Variants in SLC1A1 observed in about 807,000 individuals in gnomAD.
SLC1A1 encodes the protein solute carrier family 1 member 1, also known as excitatory amino acid transporter 3.
SLC1A1 carries 43 observed loss-of-function variants against 53.3 expected under a neutral mutation model. That is an observed-to-expected ratio of 0.81 (90% CI 0.63 to 1.04). SLC1A1 has a LOEUF of 1.04. Ranked by LOEUF, SLC1A1 falls within the 50% of genes least tolerant of loss-of-function variation. The pLI, the probability that SLC1A1 is intolerant of heterozygous loss-of-function variation, is 0.00. For missense variants in SLC1A1, 748 were observed against 664.9 expected, an observed-to-expected ratio of 1.12 and a Z score of -1.37; for synonymous variants, 307 against 243.2, an observed-to-expected ratio of 1.26 and a Z score of -2.44.
At chr9:4,542,380 G>C (rs934056502) in intron 1 of SLC1A1, among the ~76,000 whole-genome samples, 18 of 152,224 alleles carry the variant, frequency 1.2e-4, no homozygotes, top group African/African-American at 4.3e-4. Flanking sequence ...TCCTGTATCT[G>C]GCTAAAGGCT....
intron 10 of SLC1A1, among the ~76,000 whole-genome samples, chr9:4,578,947 CTT>C (rs1398033336): frequency 2.0e-5 from 3 of 152,182 alleles, no homozygotes; most frequent in Non-Finnish European, 4.4e-5. Flanking sequence ...TGAATCTGAA[CTT>C]TTTAGAGTTA....
chr9:4,514,928 A>G (rs2130819839), intron 1 of SLC1A1, among the ~76,000 whole-genome samples: 1 of 152,068 alleles, frequency 6.6e-6, no homozygotes, highest in South Asian at 2.1e-4. Context: ...TTTACATTAC[A>G]GTGTAAAGGC....
rs538707752 is a variant in SLC1A1 at position 4,572,091 on chromosome 9, G to T, written c.583-113G>T. 3.3e-6 allele frequency: 3 copies of T among 899,430 alleles called. No individual in the cohort carries two copies. In the South Asian group the frequency reaches 4.0e-5, roughly 12 times the overall value. The allele number at this position is 899,430 out of a possible 1,614,324, so 55.7% of individuals were successfully genotyped here. ...TTCTATAGTTTTGTTGACTCTGCCT[G>T]GGAGATCACCAGTTTATTATGTTTG... On this transcript the variant is annotated intron_variant, in intron 6 of 11. Coordinates refer to ENST00000262352, the MANE Select transcript of SLC1A1 (RefSeq NM_004170.6).
chr9:4,566,526 C>G (rs1180966153), intron 5 of SLC1A1, among the ~76,000 whole-genome samples: 2 of 152,088 alleles, frequency 1.3e-5, no homozygotes, highest in African/African-American at 4.8e-5. Flanking sequence ...ATGGTGTGGT[C>G]CACATCTGGG....
intron 10 of SLC1A1, among the ~76,000 whole-genome samples, chr9:4,579,218 A>G (rs144518481): frequency 4.5e-4 from 69 of 152,362 alleles, no homozygotes; most frequent in African/African-American, 1.5e-3. Flanking sequence ...TCCTGTAATT[A>G]TAACAGCAGA....
chr9:4,491,799 G>C (rs915049906), intron 1 of SLC1A1, among the ~76,000 whole-genome samples: 3 of 152,230 alleles, frequency 2.0e-5, no homozygotes, highest in Admixed American at 2.0e-4. Flanking sequence ...AACTGCAGCT[G>C]TGTTTGCTGA....
At chr9:4,502,316 G>T (rs1363031852) in intron 1 of SLC1A1, among the ~76,000 whole-genome samples, 2 of 141,458 alleles carry the variant, frequency 1.4e-5, no homozygotes, top group Non-Finnish European at 3.0e-5. Context: ...GAGCCCGGGA[G>T]GTTGAGTCTG....
rs1161442427 is a variant in SLC1A1, at chr9:4,521,156, G to C, written c.92-23411G>C. On this transcript the variant is annotated intron_variant, in intron 1 of 11. Coordinates refer to ENST00000262352, the MANE Select transcript of SLC1A1 (RefSeq NM_004170.6). ...TTGTTGAGTTGTAAGAATTCTTTATGTATTCTAGACCCTTACCAGATACAT... is the reference window on the plus strand; with the variant it reads ...TTGTTGAGTTGTAAGAATTCTTTATCTATTCTAGACCCTTACCAGATACAT... 2.6e-5 allele frequency among the ~76,000 whole-genome samples: 4 copies of C among 152,212 alleles called. No homozygotes were observed. The South Asian group carries it at 8.3e-4, about 32-fold the overall frequency.
chr9:4,583,036 A>C lies in SLC1A1; in HGVS notation c.1194-2A>C. ...TCCTTTCCTGCTGGTATGTTTCTGC[A>C]GTATCACGGCCACATCTGCCAGCAT... On this transcript the variant is annotated splice_acceptor_variant, in intron 10 of 11. Transcript: ENST00000262352. LOFTEE classifies it high-confidence loss of function. This position sits in a 1 kb window ranked among gnomAD's most constrained non-coding sequence, Gnocchi z 4.6. The C allele has an allele frequency of 6.2e-7, 1 of 1,614,242 alleles. No homozygotes were observed. Among genetic ancestry groups the C allele is most frequent in the Non-Finnish European group, 8.5e-7 (1 of 1,180,032 alleles).
chr9:4,562,114 C>A (rs528427946), intron 3 of SLC1A1, among the ~76,000 whole-genome samples: 2 of 145,934 alleles, frequency 1.4e-5, no homozygotes, highest in East Asian at 4.2e-4. Context: ...TCTTGTCACC[C>A]AGGCTAGAGT....
At position 4,556,708 on chromosome 9, in the gene SLC1A1, G is replaced by A. The variant is rs908235329; in HGVS notation, c.233-4741G>A. Reference sequence around the variant, plus strand: ...CATTCTCACAGTCAACATTCATTGCGCTAGACCACAAGTTCTCACCAAGAC... The same window carrying A: ...CATTCTCACAGTCAACATTCATTGCACTAGACCACAAGTTCTCACCAAGAC... On this transcript the variant is annotated intron_variant, in intron 2 of 11. Transcript: ENST00000262352. This position sits in a 1 kb window ranked among gnomAD's most constrained non-coding sequence, Gnocchi z 4.1. 9.2e-5 allele frequency among the ~76,000 whole-genome samples: 14 copies of A among 152,144 alleles called. No individual in the cohort carries two copies. Among genetic ancestry groups the A allele is most frequent in the Non-Finnish European group, 1.8e-4 (12 of 68,036 alleles).
chr9:4,506,766 G>C (rs1012091176), intron 1 of SLC1A1, among the ~76,000 whole-genome samples: 2 of 152,156 alleles, frequency 1.3e-5, no homozygotes, highest in Non-Finnish European at 2.9e-5. Flanking sequence ...TCAGGGCCCT[G>C]TGTACTAGGG....
chr9:4,522,185 G>A (rs1261718122), intron 1 of SLC1A1, among the ~76,000 whole-genome samples: 1 of 151,442 alleles, frequency 6.6e-6, no homozygotes, highest in East Asian at 1.9e-4. Context: ...CCGAGTAGCT[G>A]GGACTACAGG....
At position 4,568,076 on chromosome 9, in the gene SLC1A1, G is replaced by C. The variant is rs766632233; in HGVS notation, c.582+309G>C. 3.2e-4 allele frequency among the ~76,000 whole-genome samples: 49 copies of C among 152,184 alleles called. No individual in the cohort carries two copies. The Middle Eastern group carries it at 0.01, about 32-fold the overall frequency. On this transcript the variant is annotated intron_variant, in intron 6 of 11. Coordinates refer to ENST00000262352, the MANE Select transcript of SLC1A1 (RefSeq NM_004170.6). ...AAGTGTCCCTTTTGCAGTGTGTTTA[G>C]TGTCATATTTTTTGCATTTTTGTGA...
intron 8 of SLC1A1, 54 bp from the exon 9 acceptor site, chr9:4,575,947 G>C: frequency 1.3e-6 from 2 of 1,595,878 alleles, no homozygotes; most frequent in South Asian, 1.1e-5. Context: ...AAAGGATTAA[G>C]TGTGGGGAGG....
intron 1 of SLC1A1, among the ~76,000 whole-genome samples, chr9:4,513,166 T>A (rs1464089862): frequency 1.3e-5 from 2 of 152,168 alleles, no homozygotes; most frequent in East Asian, 3.9e-4. Context: ...GAGATCTAGA[T>A]GCCAAAGCAC....
intron 1 of SLC1A1, among the ~76,000 whole-genome samples, chr9:4,533,422 G>T (rs202030950): frequency 1.1e-4 from 16 of 148,324 alleles, no homozygotes; most frequent in East Asian, 4.0e-4. Flanking sequence ...TCCTAGTCTC[G>T]GATAAAACAG....
chr9:4,551,482 C>G (rs2039216), intron 2 of SLC1A1, among the ~76,000 whole-genome samples: 1 of 152,178 alleles, frequency 6.6e-6, no homozygotes, highest in African/African-American at 2.4e-5. Flanking sequence ...GCAAGAATTG[C>G]AAGACTTGAA....
At chr9:4,535,400 C>T (rs1816636621) in intron 1 of SLC1A1, among the ~76,000 whole-genome samples, 1 of 152,132 alleles carries the variant, frequency 6.6e-6, no homozygotes, top group Non-Finnish European at 1.5e-5. Context: ...CACAAGCATT[C>T]TTATACACCA....
Sources: gnomAD v4.1 joint callset for allele counts (sites outside exome capture counted in the v4.1 genomes callset) on GRCh38, gnomAD v4.1.1 for gene constraint, Gnocchi (gnomAD v3.1) non-coding constraint, MANE v1.5 for transcripts, NCBI Gene and HGNC (gene_info 2026-07-23, HGNC 2026-07-21) for gene names.